Variants in ZNF638 observed in about 807,000 individuals in gnomAD.
ZNF638 encodes the protein zinc finger protein 638, also known as CTCL tumor antigen se33-1.
ZNF638 carries 46 observed loss-of-function variants against 195.6 expected under a neutral mutation model. The ratio of observed to expected loss-of-function variants is 0.24; its 90% confidence interval spans 0.19 to 0.30. The LOEUF is 0.30. ZNF638 is among the 10% of genes least tolerant of loss of function. ZNF638 has a pLI of 1.00. For missense variants in ZNF638, 2,440 were observed against 2,325.3 expected (o/e 1.05, Z -1.01); for synonymous variants, 845 against 772.0 (o/e 1.09, Z -1.57).
chr2:71,363,840 TGA>T (rs2079150271), intron 4 of ZNF638, 112 bp from the exon 5 acceptor site: 1 of 1,292,426 alleles, frequency 7.7e-7, no homozygotes. Context: ...ATATCTTTTA[TGA>T]GAGTTTGGTA....
At chr2:71,407,964 A>G (rs1235717898) in intron 19 of ZNF638, 158 bp from the exon 20 acceptor site, 2 of 602,796 alleles carry the variant, frequency 3.3e-6, no homozygotes, top group Non-Finnish European at 5.4e-6. Context: ...TCTGTTGTGA[A>G]TAATGCTTCT....
intron 1 of ZNF638, among the ~76,000 whole-genome samples, chr2:71,334,919 T>G (rs996191944): frequency 4.1e-5 from 6 of 147,542 alleles, no homozygotes; most frequent in Non-Finnish European, 8.9e-5. Context: ...AGACTCCGTC[T>G]CCAAAAAAAA....
At chr2:71,333,948 G>A (rs978590726) in intron 1 of ZNF638, among the ~76,000 whole-genome samples, 6 of 152,056 alleles carry the variant, frequency 3.9e-5, no homozygotes, top group African/African-American at 1.4e-4. Context: ...ATAATCTGTG[G>A]GTATTCTCTT....
Position 71,426,802 on chromosome 2 carries a change from T to G in ZNF638, c.4933T>G (p.Leu1645Val). 6.2e-7 allele frequency: 1 copy of G among 1,613,280 alleles called. No individual in the cohort carries two copies. Among genetic ancestry groups the G allele is most frequent in the Non-Finnish European group, 8.5e-7 (1 of 1,179,534 alleles). Residue 1645 changes from leucine to valine, a missense_variant, in exon 24 of 28, where the codon TTA becomes GTA. By Grantham distance (32) the Leu-to-Val change is conservative (BLOSUM62 1). Around this residue, in one of 5 missense-constraint regions of ZNF638, gnomAD observed 1,883 missense variants for 1,739.1 expected, o/e 1.08. Coordinates refer to ENST00000264447, the MANE Select transcript of ZNF638 (RefSeq NM_014497.5). ...AAAAAATTCAAATTCACTTTTTACA[T>G]TAGATGAATTAATTGACCAAGATGA... ...MVKNSNSLFTLDELIDQDDCI... is the reference protein window; with the variant it reads ...MVKNSNSLFTVDELIDQDDCI...
chr2:71,348,579 A>G (rs2078893170), intron 1 of ZNF638, 174 bp from the exon 2 acceptor site: 3 of 1,195,338 alleles, frequency 2.5e-6, no homozygotes, highest in Middle Eastern at 3.8e-4. Context: ...TCAGGAAAGA[A>G]AAGAAGAGAA....
chr2:71,333,097 C>T (rs1222877944), intron 1 of ZNF638: 1 of 152,034 alleles, frequency 6.6e-6, no homozygotes, highest in East Asian at 1.9e-4. Flanking sequence ...AGGAAGTTTT[C>T]GGAGAAAAAC....
intron 3 of ZNF638, among the ~76,000 whole-genome samples, chr2:71,360,826 G>C (rs2079096846): frequency 6.6e-6 from 1 of 152,162 alleles, no homozygotes; most frequent in Non-Finnish European, 1.5e-5. Flanking sequence ...TACCACCTTT[G>C]TTGGGAGCGT....
intron 4 of ZNF638, 88 bp downstream of exon 4, chr2:71,363,279 C>A: frequency 2.0e-6 from 2 of 1,001,890 alleles, no homozygotes; most frequent in South Asian, 1.6e-5. Flanking sequence ...CTTTTGAGTT[C>A]TACTTCTGCC....
At chr2:71,348,469 G>A (rs1329986949) in intron 1 of ZNF638, 3 of 1,022,248 alleles carry the variant, frequency 2.9e-6, no homozygotes, top group South Asian at 3.8e-5. Flanking sequence ...TCAAGATTAT[G>A]TAAAAGGAGT....
At chr2:71,414,180 C>A in intron 20 of ZNF638, among the ~76,000 whole-genome samples, 1 of 106,954 alleles carries the variant, frequency 9.3e-6, no homozygotes, top group East Asian at 8.5e-4. Context: ...TTCAGAGATT[C>A]AACTTCTTCC....
intron 8 of ZNF638, among the ~76,000 whole-genome samples, chr2:71,378,620 A>G (rs757794743): frequency 1.3e-5 from 2 of 152,220 alleles, no homozygotes; most frequent in Admixed American, 6.5e-5. Flanking sequence ...TTAAAAATGC[A>G]TATGTATTAT....
intron 5 of ZNF638, among the ~76,000 whole-genome samples, chr2:71,364,808 CCTT>C (rs1264089438): frequency 6.6e-6 from 1 of 152,292 alleles, no homozygotes; most frequent in South Asian, 2.1e-4. Context: ...ATAAGGCATT[CCTT>C]CTTAAAGTAT....
chr2:71,400,571 A>G, intron 15 of ZNF638, 53 bp downstream of exon 15: 1 of 1,485,334 alleles, frequency 6.7e-7, no homozygotes, highest in South Asian at 1.3e-5. Flanking sequence ...TTTTAACAAA[A>G]GATATTTTTC....
chr2:71,344,216 A>G (rs1298679929), intron 1 of ZNF638, among the ~76,000 whole-genome samples: 4 of 152,222 alleles, frequency 2.6e-5, no homozygotes, highest in South Asian at 2.1e-4. Context: ...TAATTTTCCT[A>G]TCTTTTTTGT....
chr2:71,399,816 T>A (rs113326738), intron 13 of ZNF638, among the ~76,000 whole-genome samples, 171 bp downstream of exon 13: 1,651 of 152,290 alleles, frequency 0.011, 31 homozygotes, highest in African/African-American at 0.038. Context: ...TAGTTATTTT[T>A]CCTGATCCTC....
At chr2:71,430,378 C>G (rs191797972) in intron 25 of ZNF638, among the ~76,000 whole-genome samples, 123 of 152,072 alleles carry the variant, frequency 8.1e-4, no homozygotes, top group African/African-American at 2.9e-3. Context: ...AGGAAGATAC[C>G]TTTTTCTTAT....
intron 2 of ZNF638, among the ~76,000 whole-genome samples, chr2:71,352,810 T>A (rs1302937843): frequency 6.6e-6 from 1 of 152,198 alleles, no homozygotes; most frequent in Non-Finnish European, 1.5e-5. Context: ...GGAAGCTTCT[T>A]TAATTGTTCA....
At chr2:71,414,172 CAG>C (rs2080271314) in intron 20 of ZNF638, among the ~76,000 whole-genome samples, 1 of 118,324 alleles carries the variant, frequency 8.5e-6, no homozygotes, top group African/African-American at 3.2e-5. Flanking sequence ...TTGGTCTATT[CAG>C]AGATTCAACT....
intron 2 of ZNF638, among the ~76,000 whole-genome samples, chr2:71,355,248 G>A (rs530271041): frequency 1.3e-5 from 2 of 152,144 alleles, no homozygotes; most frequent in Non-Finnish European, 2.9e-5. Flanking sequence ...GAGCCACTGC[G>A]CCCGGCGGCA....
Sources: allele counts gnomAD v4.1 joint callset (sites outside exome capture counted in the v4.1 genomes callset), GRCh38; gene constraint gnomAD v4.1.1; regional missense constraint gnomAD v4.1.1; transcripts MANE v1.5; gene names NCBI Gene and HGNC (gene_info 2026-07-23, HGNC 2026-07-21).